PPM1M: variants seen among roughly 807,000 people sequenced by gnomAD.
The protein encoded by PPM1M is protein phosphatase 1M.
A neutral mutation model predicts 50.8 loss-of-function variants in PPM1M; 44 were observed. The observed-to-expected ratio is 0.87, with a 90% CI of 0.68 to 1.11. The LOEUF (loss-of-function observed/expected upper bound fraction) is 1.11. Among genes scored for constraint, PPM1M ranks in the 50% most tolerant of loss-of-function variants. PPM1M has a pLI of 0.00. For missense variants in PPM1M, 556 were observed against 593.4 expected (o/e 0.94, Z 0.66); for synonymous variants, 224 against 242.9 (o/e 0.92, Z 0.72).
chr3:52,248,272 T>G (rs1364086155), intron 5 of PPM1M, 35 bp downstream of exon 5: 1 of 1,608,384 alleles, frequency 6.2e-7, no homozygotes. Flanking sequence ...GCTGTGAAGC[T>G]CCAACTCCTG....
chr3:52,248,552 T>C, intron 6 of PPM1M, 85 bp from the exon 7 acceptor site: 1 of 1,584,708 alleles, frequency 6.3e-7, no homozygotes, highest in Non-Finnish European at 8.7e-7. Flanking sequence ...GGTGGCACTG[T>C]GAGGGTGTGA....
Position 52,248,249 on chromosome 3 carries a change from TGGCAGCATGGA to T in PPM1M, c.795+16_795+26del, listed in dbSNP as rs763808744. 15 of 1,611,940 alleles carry T rather than the reference TGGCAGCATGGA, an allele frequency of 9.3e-6. No homozygotes were observed. Among genetic ancestry groups the T allele is most frequent in the Non-Finnish European group, 1.3e-5 (15 of 1,179,014 alleles). ...GGATCCAGCAGCTGGTAGGTGCCCT[TGGCAGCATGGA>T]GGCTGTGAAGCTCCAACTCCTGGGT... On this transcript the variant is annotated intron_variant, in intron 5 of 9. Coordinates refer to ENST00000323588, the MANE Select transcript of PPM1M (RefSeq NM_144641.4).
At chr3:52,247,458 C>A in intron 3 of PPM1M, 1 of 695,802 alleles carries the variant, frequency 1.4e-6, no homozygotes, top group Non-Finnish European at 2.4e-6. Context: ...AATTGAATAC[C>A]CTATTGGTCC....
In PPM1M at chr3:52,248,948, T is replaced by A; in HGVS notation, c.979-8T>A. 6.3e-7 allele frequency: 1 copy of A among 1,597,402 alleles called. No individual in the cohort carries two copies. Reference sequence around the variant, plus strand: ...TTTGCCATCGCCTCACACCTCACTTTCCCTCAGGCTCGGTTACTAGGAACA... The same window carrying A: ...TTTGCCATCGCCTCACACCTCACTTACCCTCAGGCTCGGTTACTAGGAACA... On this transcript the variant is annotated splice_polypyrimidine_tract_variant and splice_region_variant and intron_variant, in intron 7 of 9. Transcript: ENST00000323588.
intron 6 of PPM1M, 57 bp downstream of exon 6, chr3:52,248,510 G>A (rs775909250): frequency 3.4e-5 from 54 of 1,591,234 alleles, no homozygotes; most frequent in Admixed American, 1.3e-4. Context: ...AGGCCCAGCC[G>A]TATGGCCTGG....
intron 9 of PPM1M, 77 bp downstream of exon 9, chr3:52,249,399 C>T (rs1266799780): frequency 6.6e-7 from 1 of 1,520,598 alleles, no homozygotes; most frequent in Non-Finnish European, 8.9e-7. Context: ...GCTGAGAAGA[C>T]AGAGCACTGA....
Position 52,248,461 on chromosome 3 carries a change from G to C in PPM1M, c.914+8G>C, listed in dbSNP as rs1699902619. ...TCACCACATGAGTGGCTGGTGAGTG[G>C]GGATGGGGGACAGGTAGGAAGGGAG... On this transcript the variant is annotated splice_region_variant and intron_variant, in intron 6 of 9. Transcript: ENST00000323588. The C allele has an allele frequency of 6.2e-7, 1 of 1,610,664 alleles. No homozygotes were observed. Among genetic ancestry groups the C allele is most frequent in the Non-Finnish European group, 8.5e-7 (1 of 1,177,424 alleles).
At chr3:52,247,472 G>C in intron 3 of PPM1M, 1 of 676,822 alleles carries the variant, frequency 1.5e-6, no homozygotes, top group Non-Finnish European at 2.5e-6. Flanking sequence ...TTGGTCCTTG[G>C]TGCAGGGGCT....
chr3:52,247,270 G>GC, intron 3 of PPM1M, 42 bp downstream of exon 3: 1 of 1,566,238 alleles, frequency 6.4e-7, no homozygotes, highest in South Asian at 1.2e-5. Flanking sequence ...TGGAGATTTT[G>GC]CCCCGGGGAT....
Position 52,249,696 on chromosome 3 carries a change from TAC to T in PPM1M, c.1266_1267del (p.His422GlnfsTer19). ...TTCTCAAAGCTGGCCCAGATGCTGA[TAC>T]ACAGCACACAGGGAAAGGAAGACAG... is the stretch of plus-strand genomic sequence containing the variant. On this transcript the variant is annotated frameshift_variant, in exon 10 of 10. Coordinates refer to ENST00000323588, the MANE Select transcript of PPM1M (RefSeq NM_144641.4). LOFTEE classifies it high-confidence loss of function. The T allele has an allele frequency of 6.2e-7, 1 of 1,613,914 alleles. No individual in the cohort carries two copies. The highest frequency in any genetic ancestry group is 8.5e-7 in the Non-Finnish European group (1 of 1,179,850).
In PPM1M at chr3:52,249,191, G is replaced by T; in HGVS notation, c.1104G>T (p.Val368=). The change falls in exon 9 of 10, where the codon GTG becomes GTT. Residue 368 remains valine (V), a synonymous_variant. Transcript: ENST00000323588. ...ATTTGTAGGTGACTGTGCTGGATGT[G>T]GACCAGCTGGAGCTACAGGAGGATG... ...LSVPQVTVLD[V]DQLELQEDDV... The T allele has an allele frequency of 6.2e-7, 1 of 1,613,952 alleles. No homozygotes were observed. Among genetic ancestry groups the T allele is most frequent in the East Asian group, 2.2e-5 (1 of 44,886 alleles).
Position 52,245,959 on chromosome 3 carries a change from G to T in PPM1M, c.135G>T (p.Gly45=). The change falls in exon 1 of 10, where the codon GGG becomes GGT. Residue 45 remains glycine, a synonymous_variant. Transcript: ENST00000323588. This position sits in a 1 kb window ranked among gnomAD's most constrained non-coding sequence, Gnocchi z 4.8. ...TTCGCGGCTCCAGCTCCAGCCCCGG[G>T]GCGGCCGACGCCTCGCGCCGCCCAG... is the stretch of plus-strand genomic sequence containing the variant. ...RFLRGSSSSP[G]AADASRRPDS... is the part of the protein sequence containing the mutation. The T allele has an allele frequency of 8.0e-7, 1 of 1,248,888 alleles. No homozygotes were observed. Among genetic ancestry groups the T allele is most frequent in the South Asian group, 1.3e-5 (1 of 76,248 alleles). 77.4% of individuals were successfully genotyped at this position (1,248,888 alleles called of 1,614,324 possible). A position where few individuals can be genotyped will look rare whatever the true frequency, so the allele number is the denominator to read the frequency against.
Position 52,248,712 on chromosome 3 carries a change from G to A in PPM1M, c.978+12G>A. 6.2e-7 allele frequency: 1 copy of A among 1,612,730 alleles called. No individual in the cohort carries two copies. Among genetic ancestry groups the A allele is most frequent in the Non-Finnish European group, 8.5e-7 (1 of 1,178,762 alleles). On this transcript the variant is annotated intron_variant, in intron 7 of 9. Coordinates refer to ENST00000323588, the MANE Select transcript of PPM1M (RefSeq NM_144641.4). ...GACAGGGTAGGCAGGTCAGTGCCTGGTCCTCCTCAACCCCAAGAATCCCTC... is the reference window on the plus strand; with the variant it reads ...GACAGGGTAGGCAGGTCAGTGCCTGATCCTCCTCAACCCCAAGAATCCCTC...
chr3:52,249,814 AG>A lies in PPM1M; in HGVS notation c.*2del, dbSNP rs1287837881. ...AGGGCCAAGAGAGCAGTGACCACTG[AG>A]GATTCAGACACTGTATCCCAGAACT... On this transcript the variant is annotated 3_prime_UTR_variant, in exon 10 of 10. Coordinates refer to ENST00000323588, the MANE Select transcript of PPM1M (RefSeq NM_144641.4). 9 of 1,612,172 alleles carry A rather than the reference AG, an allele frequency of 5.6e-6. No individual in the cohort carries two copies. The highest frequency in any genetic ancestry group is 7.6e-6 in the Non-Finnish European group (9 of 1,179,214).
chr3:52,246,472 A>AC, intron 1 of PPM1M: 3 of 689,206 alleles, frequency 4.4e-6, no homozygotes, highest in Non-Finnish European at 6.1e-6. Flanking sequence ...GCCCTGGGTC[A>AC]CCAGGTAGGC....
chr3:52,249,624 C>T, intron 9 of PPM1M, 46 bp from the exon 10 acceptor site: 2 of 1,609,370 alleles, frequency 1.2e-6, no homozygotes, highest in Non-Finnish European at 1.7e-6. Context: ...CTGGCCTTGC[C>T]CCTTTGCTCT....
chr3:52,247,517 G>T lies in PPM1M; in HGVS notation c.598-165G>T, dbSNP rs1431726500. 4 of 665,694 alleles carry T rather than the reference G, an allele frequency of 6.0e-6. No individual in the cohort carries two copies. The East Asian group carries it at 8.2e-5, about 14-fold the overall frequency. 41.2% of individuals were successfully genotyped at this position (665,694 alleles called of 1,614,324 possible). A position where few individuals can be genotyped will look rare whatever the true frequency, so the allele number is the denominator to read the frequency against. The stretch of plus-strand genomic sequence containing the variant: ...TCCTATTTTGAGTAGCACTTCCCTT[G>T]TCTAGATCTCCTGACTGCAGGGATC... On this transcript the variant is annotated intron_variant, in intron 3 of 9. Coordinates refer to ENST00000323588, the MANE Select transcript of PPM1M (RefSeq NM_144641.4).
Position 52,249,244 on chromosome 3 carries a change from T to A in PPM1M, c.1157T>A (p.Leu386His). 6.2e-7 allele frequency: 1 copy of A among 1,613,934 alleles called. No homozygotes were observed. Among genetic ancestry groups the A allele is most frequent in the Non-Finnish European group, 8.5e-7 (1 of 1,179,874 alleles). Residue 386 changes from leucine to histidine, a missense_variant, in exon 9 of 10, where the codon CTC becomes CAC. Coordinates refer to ENST00000323588, the MANE Select transcript of PPM1M (RefSeq NM_144641.4). ...GTGGTTGTCATGGCAACTGATGGAC[T>A]CTGGGATGTACTGTCCAACGAGCAG... ...DDVVVMATDGLWDVLSNEQVA... is the reference protein window; with the variant it reads ...DDVVVMATDGHWDVLSNEQVA...
Position 52,249,290 on chromosome 3 carries a change from C to T in PPM1M, c.1203C>T (p.Ser401=). ...SNEQVAWLVR[S]FLPGNQEDPH... ...AGCAGGTGGCATGGCTGGTGCGGAGCTTCCTCCCTGGGAACCAAGAGGACC... is the reference window on the plus strand; with the variant it reads ...AGCAGGTGGCATGGCTGGTGCGGAGTTTCCTCCCTGGGAACCAAGAGGACC... Residue 401 remains serine, a synonymous_variant, in exon 9 of 10, where the codon AGC becomes AGT. Transcript: ENST00000323588. 1 of 1,610,552 alleles carries T rather than the reference C, an allele frequency of 6.2e-7. No homozygotes were observed. Among genetic ancestry groups the T allele is most frequent in the Non-Finnish European group, 8.5e-7 (1 of 1,178,334 alleles).
Sources: gnomAD v4.1 joint callset for allele counts on GRCh38, gnomAD v4.1.1 for gene constraint, Gnocchi (gnomAD v3.1) non-coding constraint, MANE v1.5 for transcripts, NCBI Gene and HGNC (gene_info 2026-07-23, HGNC 2026-07-21) for gene names.